The following CEP128 variants were observed in gnomAD, a reference collection of about 807,000 sequenced individuals.
CEP128 encodes centrosomal protein 128kDa.
Under a neutral mutation model 156.7 loss-of-function variants are expected in CEP128, and 132 were observed. The observed-to-expected ratio is 0.84, with a 90% CI of 0.73 to 0.97. CEP128 has a LOEUF of 0.97. Ranked by LOEUF, CEP128 falls within the 50% of genes least tolerant of loss-of-function variation. The probability of loss-of-function intolerance (pLI) is 0.00; values close to 1 mark genes in which losing one functional copy is unlikely to be tolerated. For missense variants in CEP128, 1,252 were observed against 1,281.9 expected, an observed-to-expected ratio of 0.98 and a Z score of 0.36; for synonymous variants, 469 against 448.9, an observed-to-expected ratio of 1.04 and a Z score of -0.57.
intron 9 of CEP128, among the ~76,000 whole-genome samples, chr14:80,848,288 G>A (rs1052815108): frequency 2.6e-5 from 4 of 152,198 alleles, no homozygotes; most frequent in Non-Finnish European, 5.9e-5. Context: ...ATGCCCAGGA[G>A]CAGGAGGTAC....
chr14:80,820,577 A>G (rs573966021), intron 13 of CEP128, among the ~76,000 whole-genome samples: 1 of 152,374 alleles, frequency 6.6e-6, no homozygotes, highest in East Asian at 1.9e-4. Context: ...CTTATGAATC[A>G]GAAAACATTT....
At chr14:80,826,256 T>C (rs534034464) in intron 13 of CEP128, among the ~76,000 whole-genome samples, 1 of 152,286 alleles carries the variant, frequency 6.6e-6, no homozygotes, top group Admixed American at 6.5e-5. Flanking sequence ...CATAACTTTA[T>C]TAATAGCTTC....
intron 21 of CEP128, 55 bp downstream of exon 21, chr14:80,559,224 C>T (rs376334358): frequency 6.8e-6 from 10 of 1,477,796 alleles, no homozygotes; most frequent in Non-Finnish European, 9.4e-6. Flanking sequence ...GTGAAATCCA[C>T]ATCAGGAGAC....
intron 9 of CEP128, among the ~76,000 whole-genome samples, chr14:80,849,379 A>AATCACTGTGG (rs1356737857): frequency 2.6e-5 from 4 of 152,190 alleles, no homozygotes; most frequent in Non-Finnish European, 5.9e-5. Flanking sequence ...TTTGAATCAC[A>AATCACTGTGG]GCATCACTGT....
chr14:80,771,011 T>C (rs1471823357), intron 16 of CEP128, among the ~76,000 whole-genome samples: 2 of 152,168 alleles, frequency 1.3e-5, no homozygotes, highest in African/African-American at 4.8e-5. Flanking sequence ...ATCATATATA[T>C]TTTTCCCCAT....
intron 21 of CEP128, among the ~76,000 whole-genome samples, chr14:80,540,769 G>T (rs1158967382): frequency 6.6e-6 from 1 of 152,076 alleles, no homozygotes; most frequent in Non-Finnish European, 1.5e-5. Context: ...TCCTAGGCTG[G>T]GGACTTGCTG....
At chr14:80,859,429 G>A (rs989840305) in intron 9 of CEP128, among the ~76,000 whole-genome samples, 1 of 148,518 alleles carries the variant, frequency 6.7e-6, no homozygotes, top group Non-Finnish European at 1.5e-5. Flanking sequence ...GATAGCATTG[G>A]GAGATATACC....
intron 13 of CEP128, among the ~76,000 whole-genome samples, chr14:80,802,914 C>T (rs1206833112): frequency 6.6e-6 from 1 of 152,142 alleles, no homozygotes; most frequent in African/African-American, 2.4e-5. Context: ...CTTTTCTCAT[C>T]TGAATTGAAT....
intron 14 of CEP128, among the ~76,000 whole-genome samples, chr14:80,482,392 T>C (rs757102090): frequency 6.6e-6 from 1 of 152,356 alleles, no homozygotes; most frequent in East Asian, 1.9e-4. Flanking sequence ...TCCAGAACCA[T>C]GCAGTGTAGT....
In CEP128 at chr14:80,877,260, T is replaced by C. The variant is rs566794469; in HGVS notation, c.646-14387A>G. 2.0e-5 allele frequency among the ~76,000 whole-genome samples: 3 copies of C among 151,170 alleles called. No homozygotes were observed. The South Asian group carries it at 6.3e-4, about 32-fold the overall frequency. On this transcript the variant is annotated intron_variant, in intron 8 of 24. Coordinates refer to ENST00000555265, the MANE Select transcript of CEP128 (RefSeq NM_152446.5). The stretch of plus-strand genomic sequence containing the variant: ...AAAACACACACAAAAAATGGAAATA[T>C]AGTAAGTGGGTCCAAGAGAAAGCAA...
chr14:80,511,412 C>T (rs1245863875), intron 23 of CEP128, among the ~76,000 whole-genome samples: 1 of 151,958 alleles, frequency 6.6e-6, no homozygotes, highest in Non-Finnish European at 1.5e-5. Context: ...TCATTGAAGT[C>T]TCTGATGATC....
At chr14:80,801,679 C>A (rs1266628620) in intron 13 of CEP128, among the ~76,000 whole-genome samples, 1 of 151,882 alleles carries the variant, frequency 6.6e-6, no homozygotes, top group Non-Finnish European at 1.5e-5. Context: ...GAGGTCGAGG[C>A]AGGCAGATCA....
intron 19 of CEP128, among the ~76,000 whole-genome samples, chr14:80,619,163 C>T (rs1259025337): frequency 1.3e-5 from 2 of 152,046 alleles, no homozygotes; most frequent in Non-Finnish European, 2.9e-5. Flanking sequence ...AAACAAAAGA[C>T]TGTTCTGCAG....
intron 12 of CEP128, among the ~76,000 whole-genome samples, chr14:80,831,573 A>T (rs1473416820): frequency 6.6e-6 from 1 of 151,958 alleles, no homozygotes; most frequent in Non-Finnish European, 1.5e-5. Context: ...ACACATTTTT[A>T]AATTTTCCTC....
intron 15 of CEP128, among the ~76,000 whole-genome samples, chr14:80,780,189 A>C (rs1456492108): frequency 6.6e-6 from 1 of 152,234 alleles, no homozygotes; most frequent in Non-Finnish European, 1.5e-5. Flanking sequence ...ATCAGAGCTT[A>C]TTAGACTCAA....
chr14:80,738,791 G>T (rs1214633633), intron 19 of CEP128, among the ~76,000 whole-genome samples: 9 of 151,998 alleles, frequency 5.9e-5, no homozygotes, highest in Non-Finnish European at 1.0e-4. Flanking sequence ...GTTCATATAG[G>T]GATTGGTACT....
chr14:80,581,962 T>G (rs1455535125), intron 19 of CEP128, among the ~76,000 whole-genome samples: 2 of 152,180 alleles, frequency 1.3e-5, no homozygotes, highest in Admixed American at 1.3e-4. Flanking sequence ...CTGAAGTAAC[T>G]CTGTTTCAGT....
chr14:80,554,794 A>G (rs1412280947), intron 21 of CEP128, among the ~76,000 whole-genome samples: 1 of 151,024 alleles, frequency 6.6e-6, no homozygotes, highest in African/African-American at 2.4e-5. Flanking sequence ...GTTTTTTTCT[A>G]TTTCATTAAT....
chr14:80,540,045 T>G (rs1889671897), intron 21 of CEP128, among the ~76,000 whole-genome samples: 1 of 152,326 alleles, frequency 6.6e-6, no homozygotes, highest in Non-Finnish European at 1.5e-5. Context: ...ACATGCACCG[T>G]GCACCGCTGA....
Sources: allele counts gnomAD v4.1 joint callset (sites outside exome capture counted in the v4.1 genomes callset), GRCh38; gene constraint gnomAD v4.1.1; transcripts MANE v1.5; gene names NCBI Gene and HGNC (gene_info 2026-07-23, HGNC 2026-07-21).